DLAT: variants seen among roughly 807,000 people sequenced by gnomAD.
DLAT encodes dihydrolipoamide S-acetyltransferase, also known as dihydrolipoyllysine-residue acetyltransferase component of pyruvate dehydrogenase complex, mitochondrial.
Under a neutral mutation model 68.0 loss-of-function variants are expected in DLAT, and 43 were observed. That is an observed-to-expected ratio of 0.63 (90% CI 0.50 to 0.81). The LOEUF (loss-of-function observed/expected upper bound fraction) is 0.81, where lower values mean the gene tolerates loss of function less well. DLAT is among the 40% of genes least tolerant of loss of function. The pLI is 0.00. For missense variants in DLAT, 745 were observed against 815.4 expected, an observed-to-expected ratio of 0.91 and a Z score of 1.05; for synonymous variants, 265 against 288.6, an observed-to-expected ratio of 0.92 and a Z score of 0.83.
At position 112,025,416 on chromosome 11, in the gene DLAT, T is replaced by TG; in HGVS notation, c.-55dup. The TG allele has an allele frequency of 6.3e-7, 1 of 1,575,248 alleles. No individual in the cohort carries two copies. The highest frequency in any genetic ancestry group is 8.6e-7 in the Non-Finnish European group (1 of 1,165,652). ...TGGCTGACGGCAACGCCGCTGCTCT[T>TG]GGAGAGGTCACTCCGGAGACGGCGT... On this transcript the variant is annotated 5_prime_UTR_variant, in exon 1 of 14. Coordinates refer to ENST00000280346, the MANE Select transcript of DLAT (RefSeq NM_001931.5).
chr11:112,028,651 G>C lies in DLAT; in HGVS notation c.506+12G>C. On this transcript the variant is annotated intron_variant, in intron 3 of 13. Transcript: ENST00000280346. ...ATCACAGTTGGCAAGTGAGTAGTGC[G>C]CTCATAATTTGTGGAACTTCATTGC... 1.2e-6 allele frequency: 2 copies of C among 1,614,116 alleles called. No homozygotes were observed. Among genetic ancestry groups the C allele is most frequent in the Non-Finnish European group, 1.7e-6 (2 of 1,180,026 alleles).
intron 2 of DLAT, among the ~76,000 whole-genome samples, chr11:112,027,174 C>T (rs1297065595): frequency 1.3e-5 from 2 of 151,874 alleles, no homozygotes; most frequent in Admixed American, 6.5e-5. Context: ...GGGCTCCTCA[C>T]TTCTCAGACG....
rs781889318 is a variant in DLAT, at chr11:112,051,176, C to CTTAAAA, written c.1399-39_1399-34dup. Reference sequence around the variant, plus strand: ...GACATTCTGCACATGCACCCTGAAACTTAAAATTAAAATTAAAATTAAAAA... The same window carrying CTTAAAA: ...GACATTCTGCACATGCACCCTGAAACTTAAAATTAAAATTAAAATTAAAATTAAAAA... On this transcript the variant is annotated intron_variant, in intron 10 of 13. Transcript: ENST00000280346. This position sits in a 1 kb window ranked among gnomAD's most constrained non-coding sequence, Gnocchi z 4.3. 69 of 1,253,790 alleles carry CTTAAAA rather than the reference C, an allele frequency of 5.5e-5. No homozygotes were observed. The highest frequency in any genetic ancestry group is 2.0e-4 in the African/African-American group (13 of 66,090). The allele number at this position is 1,253,790 out of a possible 1,614,324, so 77.7% of individuals were successfully genotyped here. A position where few individuals can be genotyped will look rare whatever the true frequency, so the allele number is the denominator to read the frequency against.
chr11:112,044,880 A>G (rs941476941), intron 8 of DLAT, among the ~76,000 whole-genome samples: 1 of 152,052 alleles, frequency 6.6e-6, no homozygotes, highest in African/African-American at 2.4e-5. Flanking sequence ...TAGAAATCCA[A>G]AAAAATTAGC....
intron 4 of DLAT, among the ~76,000 whole-genome samples, chr11:112,032,258 T>G (rs1456491061): frequency 2.0e-5 from 3 of 149,570 alleles, no homozygotes; most frequent in African/African-American, 7.4e-5. Context: ...AGAGTAAGAC[T>G]CCATCTCAAA....
intron 11 of DLAT, among the ~76,000 whole-genome samples, chr11:112,059,480 C>T (rs1177072553): frequency 6.6e-6 from 1 of 151,916 alleles, no homozygotes; most frequent in Non-Finnish European, 1.5e-5. Context: ...GCAACCTCCA[C>T]CTCCCAGGTT....
chr11:112,029,843 C>G lies in DLAT; in HGVS notation c.660+898C>G, dbSNP rs782644154. On this transcript the variant is annotated intron_variant, in intron 4 of 13. Transcript: ENST00000280346. ...TTCAGTCTTGGTCTGGACTACATCT[C>G]CCCGCACTTTGAGATCACCACAGTA... 9 of 598,382 alleles carry G rather than the reference C, an allele frequency of 1.5e-5. No homozygotes were observed. The African/African-American group carries it at 1.7e-4, about 11-fold the overall frequency. The allele number at this position is 598,382 out of a possible 1,614,324, so 37.1% of individuals were successfully genotyped here.
chr11:112,030,841 AAAT>A, intron 4 of DLAT, among the ~76,000 whole-genome samples: 1 of 152,286 alleles, frequency 6.6e-6, no homozygotes, highest in Non-Finnish European at 1.5e-5. Context: ...TCTCCTTTGG[AAAT>A]AATGTTCTAC....
chr11:112,043,373 C>A lies in DLAT; in HGVS notation c.1130-93C>A, dbSNP rs374269420. ...CTTTCAGAATGTTTTTGGTAGTAAA[C>A]CCTTAGGAGCTTGCAGTTTAGGATC... On this transcript the variant is annotated intron_variant, in intron 7 of 13. Coordinates refer to ENST00000280346, the MANE Select transcript of DLAT (RefSeq NM_001931.5). The A allele has an allele frequency of 1.5e-5, 18 of 1,200,416 alleles. No individual in the cohort carries two copies. In the East Asian group the frequency reaches 2.6e-4, roughly 17 times the overall value. 74.4% of individuals were successfully genotyped at this position (1,200,416 alleles called of 1,614,324 possible). A position where few individuals can be genotyped will look rare whatever the true frequency, so the allele number is the denominator to read the frequency against.
At chr11:112,040,017 A>G (rs1373816633) in intron 7 of DLAT, among the ~76,000 whole-genome samples, 8 of 152,188 alleles carry the variant, frequency 5.3e-5, no homozygotes, top group Non-Finnish European at 1.2e-4. Context: ...TTACTTTTCT[A>G]TCTGTAAAAC....
In DLAT at chr11:112,061,070, G is replaced by T; in HGVS notation, c.1710G>T (p.Met570Ile). 2 of 1,611,174 alleles carry T rather than the reference G, an allele frequency of 1.2e-6. No individual in the cohort carries two copies. Among genetic ancestry groups the T allele is most frequent in the African/African-American group, 2.7e-5 (2 of 74,878 alleles). ...CTTTTACGATCTCCAATTTAGGAAT[G>T]TTTGGAATTAAGAATTTCTCTGCTA... is the stretch of plus-strand genomic sequence containing the variant. Reference protein sequence around the residue: ...GGTFTISNLGMFGIKNFSAII... With the variant: ...GGTFTISNLGIFGIKNFSAII... Residue 570 changes from methionine (M) to isoleucine (I), a missense_variant, in exon 13 of 14, where the codon ATG becomes ATT. Coordinates refer to ENST00000280346, the MANE Select transcript of DLAT (RefSeq NM_001931.5).
At chr11:112,062,304 A>T (rs912162680) in intron 13 of DLAT, 102 bp from the exon 14 acceptor site, 13 of 1,241,046 alleles carry the variant, frequency 1.0e-5, no homozygotes, top group Non-Finnish European at 1.5e-5. Flanking sequence ...AGGAAGTATT[A>T]CCTGGTTGGG....
At chr11:112,045,512 A>G (rs587636777) in intron 9 of DLAT, among the ~76,000 whole-genome samples, 1 of 152,022 alleles carries the variant, frequency 6.6e-6, no homozygotes, top group Admixed American at 6.5e-5. Context: ...ATAGTGAAAC[A>G]CCCCGTCTCT....
intron 10 of DLAT, among the ~76,000 whole-genome samples, chr11:112,048,429 T>C (rs932607413): frequency 3.3e-5 from 5 of 152,206 alleles, no homozygotes; most frequent in African/African-American, 1.2e-4. Flanking sequence ...CAATTTGACT[T>C]CCTCTTTTTC....
chr11:112,047,633 T>C (rs1487153872), intron 10 of DLAT, among the ~76,000 whole-genome samples: 1 of 152,156 alleles, frequency 6.6e-6, no homozygotes, highest in African/African-American at 2.4e-5. Flanking sequence ...TCTTCAGTTA[T>C]TTTTTGTATA....
chr11:112,062,474 G>C lies in DLAT; in HGVS notation c.1883G>C (p.Gly628Ala). The change falls in exon 14 of 14, where the codon GGA (glycine) becomes GCA (alanine). Residue 628 changes from glycine to alanine, a missense_variant. Gly to Ala is a moderately conservative substitution (Grantham distance 60). Transcript: ENST00000280346. The stretch of plus-strand genomic sequence containing the variant: ...CACCGGGTGGTGGATGGAGCAGTTG[G>C]AGCCCAGTGGCTTGCTGAGTTTAGA... ...CDHRVVDGAV[G>A]AQWLAEFRKY... 6.2e-7 allele frequency: 1 copy of C among 1,612,756 alleles called. No individual in the cohort carries two copies. The highest frequency in any genetic ancestry group is 8.5e-7 in the Non-Finnish European group (1 of 1,180,020).
chr11:112,045,353 T>A, intron 9 of DLAT, 123 bp downstream of exon 9: 1 of 879,874 alleles, frequency 1.1e-6, no homozygotes, highest in Non-Finnish European at 1.9e-6. Flanking sequence ...ATGATTACTT[T>A]AAGGGAAGTT....
At chr11:112,053,428 A>G (rs1168504176) in intron 11 of DLAT, among the ~76,000 whole-genome samples, 2 of 152,124 alleles carry the variant, frequency 1.3e-5, no homozygotes, top group African/African-American at 4.8e-5. Context: ...CCAGGAGGCA[A>G]ACACAACTGT....
rs1475322221 is a variant in DLAT at position 112,064,029 on chromosome 11, T to C, written c.*1494T>C. ...ACTCCATATATTCCACACAGACTTT[T>C]ACCTTGCTGTATTATTATGAAAACA... On this transcript the variant is annotated 3_prime_UTR_variant, in exon 14 of 14. Transcript: ENST00000280346. The C allele has an allele frequency of 2.6e-5, 19 of 721,002 alleles. No individual in the cohort carries two copies. In the Admixed American group the frequency reaches 4.4e-4, roughly 17 times the overall value. 44.7% of individuals were successfully genotyped at this position (721,002 alleles called of 1,614,324 possible).
Sources: allele counts gnomAD v4.1 joint callset (sites outside exome capture counted in the v4.1 genomes callset), GRCh38; gene constraint gnomAD v4.1.1; non-coding constraint Gnocchi (gnomAD v3.1); transcripts MANE v1.5; gene names NCBI Gene and HGNC (gene_info 2026-07-23, HGNC 2026-07-21).